Variants in RPGRIP1 observed in about 807,000 individuals in gnomAD.
RPGRIP1 encodes RPGR interacting protein 1, also known as X-linked retinitis pigmentosa GTPase regulator-interacting protein 1.
A neutral mutation model predicts 157.9 loss-of-function variants in RPGRIP1; 128 were observed. The observed-to-expected ratio is 0.81, with a 90% CI of 0.70 to 0.94. The LOEUF (loss-of-function observed/expected upper bound fraction) is 0.94, where lower values mean the gene tolerates loss of function less well. Among genes scored for constraint, RPGRIP1 ranks in the 40% least tolerant of loss-of-function variants. RPGRIP1 has a pLI of 0.00. For synonymous variants in RPGRIP1, 554 were observed against 571.6 expected, an observed-to-expected ratio of 0.97 and a Z score of 0.44; for missense variants, 1,486 against 1,545.8, an observed-to-expected ratio of 0.96 and a Z score of 0.65.
At chr14:21,305,303 C>T (rs1023828064) in intron 6 of RPGRIP1, among the ~76,000 whole-genome samples, 1 of 152,198 alleles carries the variant, frequency 6.6e-6, no homozygotes, top group Non-Finnish European at 1.5e-5. Context: ...TGGGATTACA[C>T]AGTATGTGGC....
At position 21,325,359 on chromosome 14, in the gene RPGRIP1, A is replaced by G; in HGVS notation, c.2343A>G (p.Gly781=). ...AQVYLSTDVL[G]GRKAQEEEFR... is the part of the protein sequence containing the mutation. ...TCTACCTGTCAACCGATGTGCTTGG[A>G]GGCCGGAAGGCCCAGGAAGAGGAGG... Residue 781 remains glycine, a synonymous_variant, in exon 16 of 25, where the codon GGA becomes GGG. Transcript: ENST00000400017. 3 of 1,588,118 alleles carry G rather than the reference A, an allele frequency of 1.9e-6. No homozygotes were observed. Among genetic ancestry groups the G allele is most frequent in the South Asian group, 2.3e-5 (2 of 87,774 alleles).
chr14:21,291,446 A>G (rs1267373971), intron 2 of RPGRIP1, among the ~76,000 whole-genome samples: 1 of 152,244 alleles, frequency 6.6e-6, no homozygotes. Context: ...CTTCAGTATC[A>G]TAAAAGAAAA....
intron 20 of RPGRIP1, 83 bp downstream of exon 20, chr14:21,330,470 C>A: frequency 1.0e-6 from 1 of 985,094 alleles, no homozygotes; most frequent in Non-Finnish European, 1.3e-6. Flanking sequence ...CTTTCAAGAG[C>A]AGCCTGGCCA....
chr14:21,319,567 A>AAC (rs141948028), intron 11 of RPGRIP1, among the ~76,000 whole-genome samples: 229 of 151,906 alleles, frequency 1.5e-3, no homozygotes, highest in African/African-American at 4.9e-3. Flanking sequence ...TAAAGAGAAA[A>AAC]ACACACACAC....
intron 20 of RPGRIP1, among the ~76,000 whole-genome samples, chr14:21,331,149 T>A (rs1219416136): frequency 2.0e-5 from 3 of 151,726 alleles, no homozygotes; most frequent in Admixed American, 6.6e-5. Context: ...CCTTAGGTGA[T>A]CCGCCCACCT....
rs72684731 is a variant in RPGRIP1, at chr14:21,339,377, C to T, written c.3340-3659C>T. Among the ~76,000 whole-genome samples the T allele has an allele frequency of 3.0e-3, 454 of 150,342 alleles. 3 individuals are homozygous for T. Among genetic ancestry groups the T allele is most frequent in the Middle Eastern group, 0.01 (3 of 286 alleles). ...AGGAGAATGGTTTGAACCAAGGAGTCGGAGGTTGCAGTGAGCCGAGATGGT... is the reference window on the plus strand; with the variant it reads ...AGGAGAATGGTTTGAACCAAGGAGTTGGAGGTTGCAGTGAGCCGAGATGGT... On this transcript the variant is annotated intron_variant, in intron 21 of 24. Transcript: ENST00000400017.
At chr14:21,350,896 T>A (rs1173873714) in intron 24 of RPGRIP1, among the ~76,000 whole-genome samples, 1 of 152,208 alleles carries the variant, frequency 6.6e-6, no homozygotes, top group African/African-American at 2.4e-5. Context: ...CTGGTGCAGA[T>A]GCCTCGTTAT....
At chr14:21,347,362 C>T (rs993223259) in intron 23 of RPGRIP1, among the ~76,000 whole-genome samples, 2 of 152,274 alleles carry the variant, frequency 1.3e-5, no homozygotes, top group African/African-American at 2.4e-5. Context: ...CATTGTAATG[C>T]TAGTTATCAT....
chr14:21,311,263 G>T (rs992136253), intron 8 of RPGRIP1, among the ~76,000 whole-genome samples: 2 of 152,178 alleles, frequency 1.3e-5, no homozygotes, highest in African/African-American at 2.4e-5. Flanking sequence ...GAAAATTAAG[G>T]CTCAAGGGCC....
At chr14:21,280,294 A>C (rs1369197159) in intron 1 of RPGRIP1, among the ~76,000 whole-genome samples, 135 bp downstream of exon 1, 2 of 126,360 alleles carry the variant, frequency 1.6e-5, no homozygotes, top group Non-Finnish European at 3.1e-5. Context: ...CCCAGGCTGG[A>C]GTGCACCGGC....
At chr14:21,340,583 A>G (rs1884893471) in intron 21 of RPGRIP1, among the ~76,000 whole-genome samples, 1 of 152,108 alleles carries the variant, frequency 6.6e-6, no homozygotes, top group South Asian at 2.1e-4. Context: ...TGAACCTGGG[A>G]GTCAGAGGTT....
Position 21,324,971 on chromosome 14 carries a change from G to T in RPGRIP1, c.2116G>T (p.Ala706Ser). 1 of 1,613,964 alleles carries T rather than the reference G, an allele frequency of 6.2e-7. No homozygotes were observed. The highest frequency in any genetic ancestry group is 1.1e-5 in the South Asian group (1 of 91,074). Reference sequence around the variant, plus strand: ...TTCAGCCCGGCTTGACATACACCAGGCCATGGCCAGTGAACACAGCACTCT... The same window carrying T: ...TTCAGCCCGGCTTGACATACACCAGTCCATGGCCAGTGAACACAGCACTCT... ...EASARLDIHQ[A>S]MASEHSTLAA... Residue 706 changes from alanine to serine, a missense_variant, in exon 15 of 25, where the codon GCC becomes TCC. By Grantham distance (99) the Ala-to-Ser change is moderately conservative. Transcript: ENST00000400017.
At position 21,294,729 on chromosome 14, in the gene RPGRIP1, G is replaced by T; in HGVS notation, c.138G>T (p.Leu46Phe). The change falls in exon 3 of 25, where the codon TTG becomes TTT. Residue 46 changes from leucine to phenylalanine, a missense_variant. Physicochemically the swap from Leu to Phe is conservative, Grantham distance 22. Coordinates refer to ENST00000400017, the MANE Select transcript of RPGRIP1 (RefSeq NM_020366.4). ...PPLSRMNREE[L>F]EDSFFRLRED... Reference sequence around the variant, plus strand: ...TGAGCAGGATGAACCGGGAGGAATTGGAGGACAGTTTCTTTCGACTTCGCG... The same window carrying T: ...TGAGCAGGATGAACCGGGAGGAATTTGAGGACAGTTTCTTTCGACTTCGCG... 1.9e-6 allele frequency: 3 copies of T among 1,613,096 alleles called. No homozygotes were observed. Among genetic ancestry groups the T allele is most frequent in the Non-Finnish European group, 2.5e-6 (3 of 1,179,496 alleles).
Position 21,301,142 on chromosome 14 carries a change from G to T in RPGRIP1, c.395G>T (p.Gly132Val). Residue 132 changes from glycine (G) to valine (V), a missense_variant, in exon 4 of 25, where the codon GGC (glycine) becomes GTC (valine). Physicochemically the swap from Gly to Val is moderately radical, Grantham distance 109. Coordinates refer to ENST00000400017, the MANE Select transcript of RPGRIP1 (RefSeq NM_020366.4). Reference protein sequence around the residue: ...HRLQGHFHCVGPASPRRAQPR... With the variant: ...HRLQGHFHCVVPASPRRAQPR... ...CTGCAAGGGCATTTCCACTGCGTCGGCCCTGCCAGCCCCCGCCGCGCCCAG... is the reference window on the plus strand; with the variant it reads ...CTGCAAGGGCATTTCCACTGCGTCGTCCCTGCCAGCCCCCGCCGCGCCCAG... 5 of 1,594,710 alleles carry T rather than the reference G, an allele frequency of 3.1e-6. No individual in the cohort carries two copies. Among genetic ancestry groups the T allele is most frequent in the Non-Finnish European group, 4.3e-6 (5 of 1,170,998 alleles).
intron 4 of RPGRIP1, among the ~76,000 whole-genome samples, chr14:21,301,884 CA>C (rs1323204861): frequency 1.3e-5 from 2 of 151,524 alleles, no homozygotes; most frequent in Admixed American, 6.6e-5. Flanking sequence ...CCTCAAAAAA[CA>C]AACAAAACAA....
At chr14:21,334,859 A>C (rs1884168569) in intron 21 of RPGRIP1, among the ~76,000 whole-genome samples, 154 bp downstream of exon 21, 1 of 150,816 alleles carries the variant, frequency 6.6e-6, no homozygotes, top group African/African-American at 2.4e-5. Flanking sequence ...CCTGACCAAC[A>C]TGGAGAAACC....
At chr14:21,314,735 C>T (rs986438973) in intron 10 of RPGRIP1, among the ~76,000 whole-genome samples, 37 of 150,288 alleles carry the variant, frequency 2.5e-4, no homozygotes, top group African/African-American at 7.6e-4. Flanking sequence ...AAAAAATAGC[C>T]GGGCAGCTGG....
chr14:21,286,096 TCTC>T (rs1193970710), intron 1 of RPGRIP1, among the ~76,000 whole-genome samples: 1 of 152,054 alleles, frequency 6.6e-6, no homozygotes, highest in Middle Eastern at 3.2e-3. Context: ...TTCAAGCAAT[TCTC>T]CTGCCTCAGC....
intron 1 of RPGRIP1, among the ~76,000 whole-genome samples, chr14:21,281,721 A>ATAC (rs1472395308): frequency 6.8e-6 from 1 of 147,156 alleles, no homozygotes; most frequent in Non-Finnish European, 1.5e-5. Flanking sequence ...AATAATAATA[A>ATAC]TAATAATAAT....
Sources: gnomAD v4.1 joint callset for allele counts (sites outside exome capture counted in the v4.1 genomes callset) on GRCh38, gnomAD v4.1.1 for gene constraint, MANE v1.5 for transcripts, NCBI Gene and HGNC (gene_info 2026-07-23, HGNC 2026-07-21) for gene names.